The following TBC1D22A variants were observed in gnomAD, a reference collection of about 807,000 sequenced individuals.
TBC1D22A encodes TBC1 domain family member 22A, also known as putative GTPase activator.
A neutral mutation model predicts 60.2 loss-of-function variants in TBC1D22A; 38 were observed. The ratio of observed to expected loss-of-function variants is 0.63; its 90% CI spans 0.49 to 0.83. The LOEUF (loss-of-function observed/expected upper bound fraction) is 0.83, where lower values mean the gene tolerates loss of function less well. Among genes scored for constraint, TBC1D22A ranks in the 40% least tolerant of loss-of-function variants. The probability of loss-of-function intolerance (pLI) is 0.00; values close to 1 mark genes in which losing one functional copy is unlikely to be tolerated. For missense variants in TBC1D22A, 628 were observed against 701.0 expected (o/e 0.90, Z 1.18); for synonymous variants, 302 against 281.7 (o/e 1.07, Z -0.72).
intron 4 of TBC1D22A, among the ~76,000 whole-genome samples, chr22:46,853,791 T>C (rs1273981899): frequency 6.6e-6 from 1 of 152,028 alleles, no homozygotes; most frequent in African/African-American, 2.4e-5. Context: ...GGCCTCGTCC[T>C]CTGGGCCCTG....
chr22:47,021,477 C>T (rs2062085565), intron 10 of TBC1D22A, among the ~76,000 whole-genome samples: 1 of 150,388 alleles, frequency 6.6e-6, no homozygotes, highest in South Asian at 2.1e-4. Flanking sequence ...AGCAGGGAAC[C>T]TAGCAGAACC....
At chr22:46,853,808 C>T (rs2087419349) in intron 4 of TBC1D22A, among the ~76,000 whole-genome samples, 1 of 152,040 alleles carries the variant, frequency 6.6e-6, no homozygotes, top group Non-Finnish European at 1.5e-5. Flanking sequence ...CCTGGAGACT[C>T]AGCAGTGAGC....
intron 8 of TBC1D22A, among the ~76,000 whole-genome samples, chr22:46,945,840 G>C (rs1454451994): frequency 6.6e-6 from 1 of 152,166 alleles, no homozygotes; most frequent in Non-Finnish European, 1.5e-5. Flanking sequence ...CTCATCCACG[G>C]CCCACAGCTC....
chr22:47,049,336 G>A (rs1320865315), intron 11 of TBC1D22A, among the ~76,000 whole-genome samples: 2 of 152,242 alleles, frequency 1.3e-5, no homozygotes, highest in Admixed American at 6.5e-5. Flanking sequence ...AAGAAGAAGC[G>A]GGCATGGGCG....
At chr22:46,959,708 G>A (rs1264353348) in intron 8 of TBC1D22A, among the ~76,000 whole-genome samples, 1 of 152,120 alleles carries the variant, frequency 6.6e-6, no homozygotes, top group Non-Finnish European at 1.5e-5. Context: ...AGCCGGCCAA[G>A]CCCAGCCGCG....
chr22:47,068,164 G>T (rs976687436), intron 11 of TBC1D22A, among the ~76,000 whole-genome samples: 3 of 152,270 alleles, frequency 2.0e-5, no homozygotes, highest in African/African-American at 4.8e-5. Context: ...CAGAGACCTT[G>T]TGGGCAGAAG....
intron 9 of TBC1D22A, among the ~76,000 whole-genome samples, chr22:46,991,285 A>C (rs1258350197): frequency 6.6e-6 from 1 of 152,172 alleles, no homozygotes; most frequent in African/African-American, 2.4e-5. Flanking sequence ...CATGCTGCCG[A>C]GCCCCGTCCT....
At chr22:47,112,452 C>T (rs543778546) in intron 12 of TBC1D22A, among the ~76,000 whole-genome samples, 1 of 152,314 alleles carries the variant, frequency 6.6e-6, no homozygotes, top group South Asian at 2.1e-4. Context: ...ACCTAGGTCC[C>T]CAGGGCAGTG....
At chr22:47,081,120 CAAA>C (rs34794967) in intron 11 of TBC1D22A, among the ~76,000 whole-genome samples, 9 of 83,742 alleles carry the variant, frequency 1.1e-4, no homozygotes. Context: ...AACTCCGTCT[CAAA>C]AAAAAAAAAA....
chr22:47,123,508 C>T (rs1000281404), intron 12 of TBC1D22A, among the ~76,000 whole-genome samples: 4 of 152,230 alleles, frequency 2.6e-5, no homozygotes, highest in Non-Finnish European at 5.9e-5. Context: ...AACTCACACC[C>T]AGGACCCATT....
In TBC1D22A at chr22:46,917,419, G is replaced by A. The variant is rs112595547; in HGVS notation, c.1015+5231G>A. ...GGGCCTGGTCCTGGATGTCAAATAGGCTGCTGTGAGGGCACCAAGGTGGCT... is the reference window on the plus strand; with the variant it reads ...GGGCCTGGTCCTGGATGTCAAATAGACTGCTGTGAGGGCACCAAGGTGGCT... On this transcript the variant is annotated intron_variant, in intron 8 of 12. Transcript: ENST00000337137. Among the ~76,000 whole-genome samples, 77 of 152,288 alleles carry A rather than the reference G, an allele frequency of 5.1e-4. 1 individual carries two copies. The Middle Eastern group carries it at 0.014, about 27-fold the overall frequency.
chr22:47,103,168 G>A (rs925687549), intron 11 of TBC1D22A, among the ~76,000 whole-genome samples: 5 of 152,154 alleles, frequency 3.3e-5, no homozygotes, highest in African/African-American at 9.7e-5. Context: ...GTGGATTTGG[G>A]GGTGTGTGTG....
At chr22:46,863,135 C>T (rs2066895806) in intron 4 of TBC1D22A, among the ~76,000 whole-genome samples, 1 of 152,096 alleles carries the variant, frequency 6.6e-6, no homozygotes, top group Non-Finnish European at 1.5e-5. Context: ...GGTACTCACA[C>T]CAGGTTTATG....
At chr22:46,970,417 G>C (rs148018246) in intron 8 of TBC1D22A, among the ~76,000 whole-genome samples, 112 of 152,282 alleles carry the variant, frequency 7.4e-4, no homozygotes, top group Non-Finnish European at 1.4e-3. Flanking sequence ...TCTCATTTGT[G>C]ATCTTACCTG....
chr22:47,049,109 C>A (rs2063122080), intron 11 of TBC1D22A, among the ~76,000 whole-genome samples: 1 of 152,236 alleles, frequency 6.6e-6, no homozygotes. Context: ...CGGCGCTCCA[C>A]CTGGGTCCCC....
Position 46,793,583 on chromosome 22 carries a change from A to T in TBC1D22A, c.202A>T (p.Thr68Ser). The T allele has an allele frequency of 6.2e-7, 1 of 1,614,046 alleles. No individual in the cohort carries two copies. The highest frequency in any genetic ancestry group is 8.5e-7 in the Non-Finnish European group (1 of 1,180,042). ...CACCTTCCAGGAGTTTGAGAGCAATACCAGCGATGCCTGGGACGCTGGGGA... is the reference window on the plus strand; with the variant it reads ...CACCTTCCAGGAGTTTGAGAGCAATTCCAGCGATGCCTGGGACGCTGGGGA... ...VSTFQEFESNTSDAWDAGEDD... is the reference protein window; with the variant it reads ...VSTFQEFESNSSDAWDAGEDD... The change falls in exon 3 of 13, where the codon ACC (threonine) becomes TCC (serine). Residue 68 changes from threonine (T) to serine (S), a missense_variant. Coordinates refer to ENST00000337137, the MANE Select transcript of TBC1D22A (RefSeq NM_014346.5).
intron 4 of TBC1D22A, among the ~76,000 whole-genome samples, chr22:46,855,152 G>A (rs2087503178): frequency 6.6e-6 from 1 of 152,202 alleles, no homozygotes; most frequent in Admixed American, 6.5e-5. Flanking sequence ...ATCAGAGGCT[G>A]AGGTTGCTGG....
chr22:47,144,974 A>T (rs547705606), intron 12 of TBC1D22A, among the ~76,000 whole-genome samples: 1 of 152,248 alleles, frequency 6.6e-6, no homozygotes, highest in African/African-American at 2.4e-5. Context: ...GTGCCGCTGG[A>T]CCAGAGCCAT....
rs1405312386 is a variant in TBC1D22A at position 47,162,187 on chromosome 22, G to A, written c.1426-11311G>A. Among the ~76,000 whole-genome samples, 3 of 144,552 alleles carry A rather than the reference G, an allele frequency of 2.1e-5. No individual in the cohort carries two copies. In the East Asian group the frequency reaches 6.0e-4, roughly 29 times the overall value. The allele number at this position is 144,552 out of a possible 152,430, so 94.8% of individuals were successfully genotyped here. ...AATATATGAGAGCTACCGGGTGTTA[G>A]TTTTCATTTGAAAGGTTTTTTTTTT... On this transcript the variant is annotated intron_variant, in intron 12 of 12. Transcript: ENST00000337137.
Sources: gnomAD v4.1 joint callset for allele counts (sites outside exome capture counted in the v4.1 genomes callset) on GRCh38, gnomAD v4.1.1 for gene constraint, MANE v1.5 for transcripts, NCBI Gene and HGNC (gene_info 2026-07-23, HGNC 2026-07-21) for gene names.